Variants in TSHZ1 observed in about 807,000 individuals in gnomAD.
The protein encoded by TSHZ1 is teashirt zinc finger homeobox 1, also known as teashirt homolog 1.
TSHZ1 carries 12 observed loss-of-function variants against 67.1 expected under a neutral mutation model. The observed-to-expected ratio is 0.18, with a 90% confidence interval of 0.11 to 0.29. The LOEUF (loss-of-function observed/expected upper bound fraction) is 0.29, where lower values mean the gene tolerates loss of function less well. Among genes scored for constraint, TSHZ1 ranks in the 10% least tolerant of loss-of-function variants. The pLI, the probability that TSHZ1 is intolerant of heterozygous loss-of-function variation, is 1.00. For missense variants in TSHZ1, 1,305 were observed against 1,413.9 expected (o/e 0.92, Z 1.23); for synonymous variants, 632 against 622.4 (o/e 1.02, Z -0.23).
At chr18:75,229,445 CTCTG>C (rs2022968836) in intron 1 of TSHZ1, among the ~76,000 whole-genome samples, 1 of 152,238 alleles carries the variant, frequency 6.6e-6, no homozygotes, top group African/African-American at 2.4e-5. Context: ...GAGCACCTGT[CTCTG>C]TCTATGTGAT....
At chr18:75,243,216 C>T (rs1319465763) in intron 1 of TSHZ1, among the ~76,000 whole-genome samples, 1 of 152,204 alleles carries the variant, frequency 6.6e-6, no homozygotes. Context: ...TTTTGTATCA[C>T]CCCTGGGTAA....
intron 1 of TSHZ1, among the ~76,000 whole-genome samples, chr18:75,237,313 G>C (rs1317950112): frequency 1.3e-5 from 2 of 152,138 alleles, no homozygotes; most frequent in Non-Finnish European, 2.9e-5. Flanking sequence ...CTTGAGGTCA[G>C]GAGTTCGCAA....
chr18:75,237,147 C>T (rs2023083524), intron 1 of TSHZ1, among the ~76,000 whole-genome samples: 1 of 152,174 alleles, frequency 6.6e-6, no homozygotes. Context: ...GAGATCTGTT[C>T]TTGACTGAGA....
Position 75,286,370 on chromosome 18 carries a change from C to T in TSHZ1, c.963C>T (p.Asp321=). ...GACACTCCTTTGAGTCCTTGCAGGA[C>T]CTCAGCGTCCACATGATCAAAACCA... ...YCGHSFESLQ[D]LSVHMIKTKH... The change falls in exon 2 of 2, where the codon GAC becomes GAT. Residue 321 remains aspartate, a synonymous_variant. Transcript: ENST00000580243. The surrounding 1 kb of genome is among the most constrained non-coding windows in gnomAD (Gnocchi z 5.1). The T allele has an allele frequency of 5.0e-6, 8 of 1,614,120 alleles. No individual in the cohort carries two copies. The highest frequency in any genetic ancestry group is 6.8e-6 in the Non-Finnish European group (8 of 1,180,020).
At chr18:75,245,769 G>A (rs1352890843) in intron 1 of TSHZ1, among the ~76,000 whole-genome samples, 1 of 152,174 alleles carries the variant, frequency 6.6e-6, no homozygotes, top group Non-Finnish European at 1.5e-5. Context: ...TCCATCCACA[G>A]CTTTGTGATA....
intron 1 of TSHZ1, among the ~76,000 whole-genome samples, chr18:75,213,492 G>A (rs2022726095): frequency 6.6e-6 from 1 of 152,020 alleles, no homozygotes; most frequent in Non-Finnish European, 1.5e-5. Flanking sequence ...ATGACAGAAT[G>A]TACAATAAAA....
At chr18:75,236,219 G>T (rs1033415949) in intron 1 of TSHZ1, among the ~76,000 whole-genome samples, 45 of 152,186 alleles carry the variant, frequency 3.0e-4, no homozygotes, top group African/African-American at 1.1e-3. Flanking sequence ...CTGACCAGGG[G>T]TGTGTGTCTC....
chr18:75,220,117 C>T lies in TSHZ1; in HGVS notation c.40+8201C>T, dbSNP rs559628111. ...AATATTTACTACTAGAGAACCCTTC[C>T]GGAAGCATGAAAACCTAAAGACTTA... On this transcript the variant is annotated intron_variant, in intron 1 of 1. Transcript: ENST00000580243. 3.9e-5 allele frequency among the ~76,000 whole-genome samples: 6 copies of T among 152,314 alleles called. No individual in the cohort carries two copies. The East Asian group carries it at 7.7e-4, about 20-fold the overall frequency.
intron 1 of TSHZ1, chr18:75,285,240 G>T (rs1276136953): frequency 4.3e-6 from 2 of 462,858 alleles, no homozygotes; most frequent in African/African-American, 2.0e-5. Context: ...CTCCAGCTCA[G>T]TCCCCTTTGC....
intron 1 of TSHZ1, among the ~76,000 whole-genome samples, chr18:75,239,075 G>A (rs148819414): frequency 1.9e-4 from 29 of 152,334 alleles, no homozygotes; most frequent in Non-Finnish European, 2.8e-4. Context: ...GGAGGTGGCC[G>A]CGGTGTAAAC....
intron 1 of TSHZ1, among the ~76,000 whole-genome samples, chr18:75,233,126 A>G (rs8086757): frequency 0.29 from 43,502 of 152,168 alleles, 6,579 homozygotes; most frequent in African/African-American, 0.39. Context: ...GGCTGCTGTC[A>G]TAGTTTTCTG....
In TSHZ1 at chr18:75,278,170, C is replaced by A. The variant is rs1001540706; in HGVS notation, c.41-7278C>A. Among the ~76,000 whole-genome samples, 7 of 151,510 alleles carry A rather than the reference C, an allele frequency of 4.6e-5. No individual in the cohort carries two copies. The East Asian group carries it at 1.4e-3, about 30-fold the overall frequency. On this transcript the variant is annotated intron_variant, in intron 1 of 1. Transcript: ENST00000580243. ...TTTACTCTGTCTTTTCAGGCCCAGG[C>A]TCCTGGGGAGCACCCCTTTGGATCA...
At chr18:75,233,769 A>G (rs909788677) in intron 1 of TSHZ1, among the ~76,000 whole-genome samples, 7 of 152,172 alleles carry the variant, frequency 4.6e-5, no homozygotes, top group African/African-American at 1.7e-4. Flanking sequence ...ACTTGGAAGG[A>G]CTATTGCATA....
chr18:75,236,747 A>T (rs1482715849), intron 1 of TSHZ1, among the ~76,000 whole-genome samples: 2 of 151,996 alleles, frequency 1.3e-5, no homozygotes, highest in African/African-American at 4.8e-5. Context: ...TTCCTGACAC[A>T]CTCCACTTGC....
At chr18:75,237,081 C>T (rs563563374) in intron 1 of TSHZ1, among the ~76,000 whole-genome samples, 34 of 152,228 alleles carry the variant, frequency 2.2e-4, no homozygotes, top group East Asian at 7.7e-4. Context: ...TCTGGGTGGC[C>T]GTTAGTGCCT....
rs150917758 is a variant in TSHZ1 at position 75,247,168 on chromosome 18, G to T, written c.40+35252G>T. On this transcript the variant is annotated intron_variant, in intron 1 of 1. Transcript: ENST00000580243. ...AGGCTGTAGTTTCTTTTCAGTTGCC[G>T]CATCGACCCACCACCGACCGTACAC... Among the ~76,000 whole-genome samples, 176 of 152,210 alleles carry T rather than the reference G, an allele frequency of 1.2e-3. 1 individual carries two copies. Among genetic ancestry groups the T allele is most frequent in the African/African-American group, 4.1e-3 (171 of 41,534 alleles).
At position 75,285,467 on chromosome 18, in the gene TSHZ1, A is replaced by C. The variant is rs1181857330; in HGVS notation, c.60A>C (p.Glu20Asp). The C allele has an allele frequency of 2.0e-6, 3 of 1,496,426 alleles. No homozygotes were observed. The African/African-American group carries it at 4.2e-5, about 21-fold the overall frequency. 92.7% of individuals were successfully genotyped at this position (1,496,426 alleles called of 1,614,324 possible). The change falls in exon 2 of 2, where the codon GAA becomes GAC. Residue 20 changes from glutamate (E) to aspartate (D), a missense_variant. Glu to Asp is a conservative substitution (Grantham distance 45). Transcript: ENST00000580243. ...RRSAAYVPEE[E>D]LKAAEIDEEH... ...TCCTAGCTTATGTTCCTGAGGAAGAATTGAAGGCAGCAGAAATAGATGAAG... is the reference window on the plus strand; with the variant it reads ...TCCTAGCTTATGTTCCTGAGGAAGACTTGAAGGCAGCAGAAATAGATGAAG...
At position 75,250,909 on chromosome 18, in the gene TSHZ1, C is replaced by G. The variant is rs1389940257; in HGVS notation, c.41-34539C>G. 3.3e-5 allele frequency among the ~76,000 whole-genome samples: 5 copies of G among 152,204 alleles called. No homozygotes were observed. In the East Asian group the frequency reaches 9.6e-4, roughly 29 times the overall value. On this transcript the variant is annotated intron_variant, in intron 1 of 1. Coordinates refer to ENST00000580243, the MANE Select transcript of TSHZ1 (RefSeq NM_001308210.2). The stretch of plus-strand genomic sequence containing the variant: ...AAGGGTGGTCTGAAGACCCCCGACA[C>G]CTATTTCAGTGCCTGTGCCCTCAAG...
At chr18:75,235,954 T>G (rs1001750113) in intron 1 of TSHZ1, among the ~76,000 whole-genome samples, 69 of 152,316 alleles carry the variant, frequency 4.5e-4, no homozygotes, top group African/African-American at 1.6e-3. Context: ...CTTCACTGTC[T>G]TCAGGTTCTG....
Sources: allele counts gnomAD v4.1 joint callset (sites outside exome capture counted in the v4.1 genomes callset), GRCh38; gene constraint gnomAD v4.1.1; non-coding constraint Gnocchi (gnomAD v3.1); transcripts MANE v1.5; gene names NCBI Gene and HGNC (gene_info 2026-07-23, HGNC 2026-07-21).